The following GUCY2C variants were observed in gnomAD, a reference collection of about 807,000 sequenced individuals.
GUCY2C encodes the protein guanylyl cyclase C.
In GUCY2C, 118 loss-of-function variants were observed where a neutral mutation model predicts 131.1. The observed-to-expected ratio is 0.90, with a 90% CI of 0.78 to 1.05. The LOEUF is 1.05. GUCY2C is among the 50% of genes least tolerant of loss of function. The probability of loss-of-function intolerance (pLI) is 0.00; values close to 1 mark genes in which losing one functional copy is unlikely to be tolerated. For missense variants in GUCY2C, 1,161 were observed against 1,304.4 expected (o/e 0.89, Z 1.69); for synonymous variants, 452 against 457.8 (o/e 0.99, Z 0.16).
chr12:14,685,997 G>A (rs1158666162), intron 3 of GUCY2C, among the ~76,000 whole-genome samples, 164 bp downstream of exon 3: 2 of 152,162 alleles, frequency 1.3e-5, no homozygotes, highest in African/African-American at 4.8e-5. Context: ...ACTCCATGCT[G>A]AGCAAGGGAA....
chr12:14,656,275 A>G (rs1947761635), intron 12 of GUCY2C, among the ~76,000 whole-genome samples: 1 of 152,228 alleles, frequency 6.6e-6, no homozygotes, highest in African/African-American at 2.4e-5. Flanking sequence ...GATAAGATGC[A>G]AAGAACGAGA....
At chr12:14,692,637 C>G (rs11056100) in intron 1 of GUCY2C, among the ~76,000 whole-genome samples, 8,870 of 152,216 alleles carry the variant, frequency 0.058, 336 homozygotes, top group Non-Finnish European at 0.09. Flanking sequence ...CACCTGAGGT[C>G]AGGAGTTCGA....
rs767899334 is a variant in GUCY2C at position 14,672,958 on chromosome 12, C to T, written c.1085G>A (p.Gly362Glu). ...ATCCAAGGTCACTGGACCGTCATAC[C>T]CTAGGGCAAGATCAGAGTATGTTAG... ...AHAFRNLTFEGYDGPVTLDDW... is the reference protein window; with the variant it reads ...AHAFRNLTFEEYDGPVTLDDW... The change falls in exon 9 of 27, where the codon GGG becomes GAG. Residue 362 changes from glycine (G) to glutamate (E), a missense_variant and splice_region_variant. Gly to Glu is a moderately conservative substitution (Grantham distance 98, BLOSUM62 -2). Coordinates refer to ENST00000261170, the MANE Select transcript of GUCY2C (RefSeq NM_004963.4). 1.1e-5 allele frequency: 17 copies of T among 1,582,318 alleles called. No individual in the cohort carries two copies. In the South Asian group the frequency reaches 1.7e-4, roughly 15 times the overall value.
At chr12:14,616,804 C>G (rs181702564) in intron 24 of GUCY2C, 77 bp from the exon 25 acceptor site, 1 of 812,658 alleles carries the variant, frequency 1.2e-6, no homozygotes, top group East Asian at 2.4e-5. Context: ...AGGATATCAA[C>G]AACACCTGAG....
chr12:14,672,830 C>T (rs770802438), intron 9 of GUCY2C, 43 bp downstream of exon 9: 12 of 1,096,890 alleles, frequency 1.1e-5, no homozygotes, highest in Non-Finnish European at 1.5e-5. Context: ...CCTCCTCACC[C>T]AGTCACAGCA....
At chr12:14,629,081 G>A (rs952792925) in intron 19 of GUCY2C, among the ~76,000 whole-genome samples, 2 of 152,100 alleles carry the variant, frequency 1.3e-5, no homozygotes, top group African/African-American at 2.4e-5. Context: ...CATAACAACC[G>A]TTTTAGTACT....
intron 2 of GUCY2C, 50 bp from the exon 3 acceptor site, chr12:14,686,275 A>C (rs1948468135): frequency 5.3e-6 from 7 of 1,309,754 alleles, no homozygotes; most frequent in South Asian, 1.2e-5. Context: ...AAAAATACTC[A>C]GTGGACAGGA....
Position 14,625,842 on chromosome 12 carries a change from G to A in GUCY2C, c.2323C>T (p.Leu775=). 1 of 1,613,602 alleles carries A rather than the reference G, an allele frequency of 6.2e-7. No individual in the cohort carries two copies. Among genetic ancestry groups the A allele is most frequent in the Non-Finnish European group, 8.5e-7 (1 of 1,179,568 alleles). The change falls in exon 21 of 27, where the codon CTG becomes TTG. Residue 775 remains leucine, a synonymous_variant. Coordinates refer to ENST00000261170, the MANE Select transcript of GUCY2C (RefSeq NM_004963.4). Reference sequence around the variant, plus strand: ...GTCCTTTCCTCTACCAGATGTTCCAGGTTTCGAGAATATAGCTGTAGACGT... The same window carrying A: ...GTCCTTTCCTCTACCAGATGTTCCAAGTTTCGAGAATATAGCTGTAGACGT... The part of the protein sequence containing the change: ...IRRLQLYSRN[L]EHLVEERTQL...
At chr12:14,651,544 A>T (rs1429748222) in intron 14 of GUCY2C, 33 bp from the exon 15 acceptor site, 7 of 1,143,296 alleles carry the variant, frequency 6.1e-6, no homozygotes, top group Non-Finnish European at 9.3e-6. Context: ...AAAGCAAATT[A>T]GGCAGAATGG....
rs1263375882 is a variant in GUCY2C at position 14,696,364 on chromosome 12, T to G, written c.85A>C (p.Asn29His). Residue 29 changes from asparagine (N) to histidine (H), a missense_variant, in exon 1 of 27, where the codon AAC (asparagine) becomes CAC (histidine). By Grantham distance (68) the Asn-to-His change is moderately conservative. Transcript: ENST00000261170. ...ATTTCATAGCTGCCATTGTGGCAGT[T>G]CTGACTCACCTGGGAACTAAAGGAC... Reference protein sequence around the residue: ...WLSFSSQVSQNCHNGSYEISV... With the variant: ...WLSFSSQVSQHCHNGSYEISV... 1 of 1,614,020 alleles carries G rather than the reference T, an allele frequency of 6.2e-7. No individual in the cohort carries two copies. The highest frequency in any genetic ancestry group is 1.7e-5 in the Admixed American group (1 of 60,004).
At chr12:14,658,880 A>G (rs1947811501) in intron 11 of GUCY2C, among the ~76,000 whole-genome samples, 1 of 151,110 alleles carries the variant, frequency 6.6e-6, no homozygotes, top group Non-Finnish European at 1.5e-5. Context: ...ATACAATATA[A>G]TAATAAAAAT....
intron 15 of GUCY2C, among the ~76,000 whole-genome samples, chr12:14,649,697 T>C (rs1192792209): frequency 6.6e-6 from 1 of 152,178 alleles, no homozygotes; most frequent in Admixed American, 6.5e-5. Flanking sequence ...TTTTAATTGA[T>C]ACTGATAAAA....
chr12:14,628,215 C>G (rs1277468384), intron 20 of GUCY2C, among the ~76,000 whole-genome samples: 1 of 152,152 alleles, frequency 6.6e-6, no homozygotes, highest in Admixed American at 6.5e-5. Flanking sequence ...TGCTCTGATT[C>G]ATGACATGTC....
At chr12:14,682,113 AT>A (rs1948358282) in intron 4 of GUCY2C, among the ~76,000 whole-genome samples, 1 of 152,138 alleles carries the variant, frequency 6.6e-6, no homozygotes, top group Admixed American at 6.6e-5. Flanking sequence ...CAGCCAGAAG[AT>A]TTCTTCTACC....
At chr12:14,625,717 A>G in intron 21 of GUCY2C, 40 bp downstream of exon 21, 1 of 1,598,940 alleles carries the variant, frequency 6.3e-7, no homozygotes, top group Non-Finnish European at 8.6e-7. Flanking sequence ...AAGCAATGCT[A>G]GAGGGATTTC....
intron 23 of GUCY2C, among the ~76,000 whole-genome samples, chr12:14,620,665 C>A (rs966520044): frequency 3.3e-5 from 5 of 151,872 alleles, no homozygotes; most frequent in African/African-American, 9.7e-5. Context: ...ATAATCTAAT[C>A]CACTTAAGAT....
chr12:14,649,896 T>A (rs976256402), intron 15 of GUCY2C, among the ~76,000 whole-genome samples: 1 of 152,188 alleles, frequency 6.6e-6, no homozygotes, highest in African/African-American at 2.4e-5. Context: ...ATTGGCCTAA[T>A]TAAATATTTA....
At chr12:14,646,734 T>C (rs1210218538) in intron 15 of GUCY2C, among the ~76,000 whole-genome samples, 1 of 152,132 alleles carries the variant, frequency 6.6e-6, no homozygotes, top group Non-Finnish European at 1.5e-5. Context: ...GATTTATATG[T>C]TTTTTTCTGA....
chr12:14,629,179 G>A (rs1320976449), intron 19 of GUCY2C, among the ~76,000 whole-genome samples: 2 of 152,218 alleles, frequency 1.3e-5, no homozygotes, highest in East Asian at 3.9e-4. Context: ...TTTTGCCTAG[G>A]CCTTTCCTGG....
Sources: allele counts gnomAD v4.1 joint callset (sites outside exome capture counted in the v4.1 genomes callset), GRCh38; gene constraint gnomAD v4.1.1; transcripts MANE v1.5; gene names NCBI Gene and HGNC (gene_info 2026-07-23, HGNC 2026-07-21).